The following C12orf43 variants were observed in gnomAD, a reference collection of about 807,000 sequenced individuals.
C12orf43 encodes the protein chromosome 12 open reading frame 43.
Under a neutral mutation model 20.6 loss-of-function variants are expected in C12orf43, and 15 were observed. The observed-to-expected ratio is 0.73, with a 90% CI of 0.49 to 1.12. C12orf43 has a LOEUF of 1.12. C12orf43 is among the 50% of genes most tolerant of loss of function. C12orf43 has a pLI of 0.00. For missense variants in C12orf43, 334 were observed against 344.4 expected, an observed-to-expected ratio of 0.97 and a Z score of 0.24; for synonymous variants, 144 against 130.8, an observed-to-expected ratio of 1.10 and a Z score of -0.69.
intron 3 of C12orf43, among the ~76,000 whole-genome samples, chr12:121,009,870 G>A (rs1301669127): frequency 6.6e-6 from 1 of 152,222 alleles, no homozygotes; most frequent in Non-Finnish European, 1.5e-5. Flanking sequence ...ATGTAAGATA[G>A]AGACCTGGCA....
intron 1 of C12orf43, among the ~76,000 whole-genome samples, chr12:121,013,510 T>C (rs1222020621): frequency 6.6e-6 from 1 of 152,194 alleles, no homozygotes; most frequent in African/African-American, 2.4e-5. Context: ...CCTTCCTGGA[T>C]TTGTAAGCTA....
In C12orf43 at chr12:121,000,644, G is replaced by A. The variant is rs562340054; in HGVS notation, c.*3509C>T. 1.3e-5 allele frequency: 3 copies of A among 239,980 alleles called. No homozygotes were observed. The highest frequency in any genetic ancestry group is 2.3e-5 in the African/African-American group (1 of 44,322). 14.9% of individuals were successfully genotyped at this position (239,980 alleles called of 1,614,324 possible). A position where few individuals can be genotyped will look rare whatever the true frequency, so the allele number is the denominator to read the frequency against. ...CTGGGAAACCGGTTTTTGCTCTTAC[G>A]GCCTTCCACTGATGTAGGAGGCCCA... On this transcript the variant is annotated 3_prime_UTR_variant, in exon 6 of 6. Transcript: ENST00000288757.
intron 3 of C12orf43, among the ~76,000 whole-genome samples, chr12:121,007,668 G>A (rs1878125096): frequency 6.6e-6 from 1 of 152,230 alleles, no homozygotes; most frequent in South Asian, 2.1e-4. Flanking sequence ...AGAGGCACAA[G>A]GCCAGGAAGC....
At chr12:121,009,312 A>G (rs1489202429) in intron 3 of C12orf43, among the ~76,000 whole-genome samples, 1 of 152,032 alleles carries the variant, frequency 6.6e-6, no homozygotes, top group African/African-American at 2.4e-5. Context: ...AAAATTAGCC[A>G]AGCGTGGTGG....
In C12orf43 at chr12:121,000,992, AC is replaced by A; in HGVS notation, c.*3160del. On this transcript the variant is annotated 3_prime_UTR_variant, in exon 6 of 6. Transcript: ENST00000288757. ...GTGGCCCTGCCTCCCCATCCTGAGT[AC>A]CCCTAGGGACAGGCAGGTGGGGTGG... 1.3e-6 allele frequency: 2 copies of A among 1,598,270 alleles called. No homozygotes were observed. The highest frequency in any genetic ancestry group is 1.7e-6 in the Non-Finnish European group (2 of 1,172,872).
chr12:121,016,247 C>T (rs1456711850), intron 1 of C12orf43, 83 bp downstream of exon 1: 4 of 1,599,244 alleles, frequency 2.5e-6, no homozygotes, highest in African/African-American at 1.3e-5. Context: ...GTCCCAGTGA[C>T]TCTCTCCTCA....
chr12:121,004,449 C>G lies in C12orf43; in HGVS notation c.493G>C (p.Ala165Pro). ...DEEWRRCREA[A>P]VSASDILQES... Reference sequence around the variant, plus strand: ...TGTAGGATGTCGGACGCCGACACAGCTGCCTCCCGGCACCGCCGCCACTCC... The same window carrying G: ...TGTAGGATGTCGGACGCCGACACAGGTGCCTCCCGGCACCGCCGCCACTCC... The change falls in exon 6 of 6, where the codon GCT becomes CCT. Residue 165 changes from alanine to proline, a missense_variant. Physicochemically the swap from Ala to Pro is conservative, Grantham distance 27. Coordinates refer to ENST00000288757, the MANE Select transcript of C12orf43 (RefSeq NM_022895.3). This position sits in a 1 kb window ranked among gnomAD's most constrained non-coding sequence, Gnocchi z 5.6. 6.2e-7 allele frequency: 1 copy of G among 1,610,610 alleles called. No individual in the cohort carries two copies. Among genetic ancestry groups the G allele is most frequent in the Non-Finnish European group, 8.5e-7 (1 of 1,178,660 alleles).
Position 121,004,404 on chromosome 12 carries a change from G to A in C12orf43, c.538C>T (p.Pro180Ser). The A allele has an allele frequency of 6.2e-7, 1 of 1,613,896 alleles. No homozygotes were observed. The highest frequency in any genetic ancestry group is 1.1e-5 in the South Asian group (1 of 91,074). ...DILQESAIHS[P>S]GTVEKEAKKK... is the part of the protein sequence containing the mutation. Reference sequence around the variant, plus strand: ...TTTGCCTCCTTCTCCACTGTTCCAGGGCTGTGGATGGCTGACTCCTGTAGG... The same window carrying A: ...TTTGCCTCCTTCTCCACTGTTCCAGAGCTGTGGATGGCTGACTCCTGTAGG... The change falls in exon 6 of 6, where the codon CCT becomes TCT. Residue 180 changes from proline to serine, a missense_variant. Pro to Ser is a moderately conservative substitution (Grantham distance 74). Coordinates refer to ENST00000288757, the MANE Select transcript of C12orf43 (RefSeq NM_022895.3). The surrounding 1 kb of genome is among the most constrained non-coding windows in gnomAD (Gnocchi z 5.6).
rs763640464 is a variant in C12orf43 at position 121,004,213 on chromosome 12, CTTCT to C, written c.725_728del (p.Lys242ArgfsTer68). On this transcript the variant is annotated frameshift_variant, in exon 6 of 6. Transcript: ENST00000288757. LOFTEE classifies it low-confidence loss of function (END_TRUNC). This position sits in a 1 kb window ranked among gnomAD's most constrained non-coding sequence, Gnocchi z 5.6. ...GTGGGAATGGAGAGGTCTCGCTGGC[CTTCT>C]TTGCCTTTTTCTTCTTTTTGGTCCC... The C allele has an allele frequency of 9.3e-6, 15 of 1,614,030 alleles. No homozygotes were observed. In the South Asian group the frequency reaches 1.6e-4, roughly 18 times the overall value.
In C12orf43 at chr12:121,008,595, T is replaced by G. The variant is rs113829938; in HGVS notation, c.288-2201A>C. ...AAGCCAGAGAGTCACAAAGGAAAAC[T>G]GCTCCCACAGGCTGAAATGCAGCTG... On this transcript the variant is annotated intron_variant, in intron 3 of 5. Transcript: ENST00000288757. Among the ~76,000 whole-genome samples, 21 of 152,324 alleles carry G rather than the reference T, an allele frequency of 1.4e-4. 2 individuals are homozygous for G. The highest frequency in any genetic ancestry group is 5.0e-4 in the African/African-American group (21 of 41,586).
intron 1 of C12orf43, among the ~76,000 whole-genome samples, chr12:121,014,964 G>GAA (rs911983968): frequency 2.0e-5 from 3 of 146,850 alleles, no homozygotes; most frequent in Non-Finnish European, 4.5e-5. Context: ...TCCTAGTTTT[G>GAA]AAAAAAAAAA....
intron 4 of C12orf43, 82 bp downstream of exon 4, chr12:121,006,236 GAAT>G: frequency 1.0e-6 from 1 of 953,738 alleles, no homozygotes; most frequent in Non-Finnish European, 1.5e-6. Context: ...AAAAAAAAAA[GAAT>G]ATACCAAAAC....
rs201929129 is a variant in C12orf43 at position 121,016,398 on chromosome 12, C to A, written c.77G>T (p.Cys26Phe). ...SSSDAEELER[C>F]REAAMPAWGL... is the part of the protein sequence containing the mutation. ...CCAAGCCGGCATTGCCGCCTCGCGG[C>A]ACCGCTCCAGCTCCTCCGCATCGCT... Residue 26 changes from cysteine (C) to phenylalanine (F), a missense_variant, in exon 1 of 6, where the codon TGC becomes TTC. Cys to Phe is a radical substitution (Grantham distance 205, BLOSUM62 -2). Coordinates refer to ENST00000288757, the MANE Select transcript of C12orf43 (RefSeq NM_022895.3). 1 of 1,613,872 alleles carries A rather than the reference C, an allele frequency of 6.2e-7. No individual in the cohort carries two copies. Among genetic ancestry groups the A allele is most frequent in the African/African-American group, 1.3e-5 (1 of 74,964 alleles).
Position 121,003,665 on chromosome 12 carries a change from A to T in C12orf43, c.*488T>A, listed in dbSNP as rs3751153. Reference sequence around the variant, plus strand: ...TTTCTCAGACGATTCTGTGAAGTCTATGTGGGCTAAGGAGAGAAGAACAAA... The same window carrying T: ...TTTCTCAGACGATTCTGTGAAGTCTTTGTGGGCTAAGGAGAGAAGAACAAA... On this transcript the variant is annotated 3_prime_UTR_variant, in exon 6 of 6. Transcript: ENST00000288757. The T allele has an allele frequency of 0.019, 2,978 of 158,912 alleles. 92 individuals carry two copies. The highest frequency in any genetic ancestry group is 0.13 in the East Asian group (685 of 5,378). 9.8% of individuals were successfully genotyped at this position (158,912 alleles called of 1,614,324 possible). A position where few individuals can be genotyped will look rare whatever the true frequency, so the allele number is the denominator to read the frequency against.
chr12:121,013,169 C>G (rs1868552468), intron 1 of C12orf43, among the ~76,000 whole-genome samples: 1 of 152,180 alleles, frequency 6.6e-6, no homozygotes. Context: ...GAATGCTAAA[C>G]ACGCCCCATG....
In C12orf43 at chr12:121,016,343, C is replaced by A. The variant is rs1868919175; in HGVS notation, c.132G>T (p.Gly44=). 2 of 1,613,694 alleles carry A rather than the reference C, an allele frequency of 1.2e-6. No homozygotes were observed. The highest frequency in any genetic ancestry group is 1.7e-5 in the Admixed American group (1 of 60,016). The part of the protein sequence containing the change: ...WGLEQRPHVA[G]KPRAGAANSQ... ...ATAGTACCCTACCGGCTCTTGGCTT[C>A]CCTGCCACGTGCGGGCGTTGCTCCA... The change falls in exon 1 of 6, where the codon GGG becomes GGT. Residue 44 remains glycine (G), a synonymous_variant. Coordinates refer to ENST00000288757, the MANE Select transcript of C12orf43 (RefSeq NM_022895.3).
chr12:121,004,988 G>GGT lies in C12orf43; in HGVS notation c.452+13_452+14dup. 6.6e-7 allele frequency: 1 copy of GGT among 1,520,150 alleles called. No individual in the cohort carries two copies. The highest frequency in any genetic ancestry group is 1.3e-5 in the South Asian group (1 of 78,624). 94.2% of individuals were successfully genotyped at this position (1,520,150 alleles called of 1,614,324 possible). On this transcript the variant is annotated intron_variant, in intron 5 of 5. Transcript: ENST00000288757. The surrounding 1 kb of genome is among the most constrained non-coding windows in gnomAD (Gnocchi z 5.6). ...GAAAAAAGGAGGGGACGTGAGGAGA[G>GGT]GTGTGAGTTCTCACCTGGAGCTGGA...
chr12:121,009,921 C>G (rs1878315839), intron 3 of C12orf43, among the ~76,000 whole-genome samples: 1 of 152,346 alleles, frequency 6.6e-6, no homozygotes, highest in East Asian at 1.9e-4. Context: ...AATAGGAACA[C>G]GGTCCTTCCT....
rs566114392 is a variant in C12orf43, at chr12:121,005,551, C to G, written c.362-458G>C. The stretch of plus-strand genomic sequence containing the variant: ...CAGCCACATCAGCTCAGCAAGCCCT[C>G]AGAGGCTTCTGGAAGTCAGCACTTG... On this transcript the variant is annotated intron_variant, in intron 4 of 5. Coordinates refer to ENST00000288757, the MANE Select transcript of C12orf43 (RefSeq NM_022895.3). This position sits in a 1 kb window ranked among gnomAD's most constrained non-coding sequence, Gnocchi z 5.6. 1.3e-4 allele frequency among the ~76,000 whole-genome samples: 20 copies of G among 152,382 alleles called. No individual in the cohort carries two copies. The highest frequency in any genetic ancestry group is 2.5e-4 in the Non-Finnish European group (17 of 68,038).
Sources: gnomAD v4.1 joint callset for allele counts (sites outside exome capture counted in the v4.1 genomes callset) on GRCh38, gnomAD v4.1.1 for gene constraint, Gnocchi (gnomAD v3.1) non-coding constraint, MANE v1.5 for transcripts, NCBI Gene and HGNC (gene_info 2026-07-23, HGNC 2026-07-21) for gene names.